The following SULT6B1 variants were observed in gnomAD, a reference collection of about 807,000 sequenced individuals.
SULT6B1 encodes the protein sulfotransferase 6B1.
Under a neutral mutation model 37.2 loss-of-function variants are expected in SULT6B1, and 44 were observed. That is an observed-to-expected ratio of 1.18 (90% CI 0.93 to 1.52). The LOEUF (loss-of-function observed/expected upper bound fraction) is 1.52, where lower values mean the gene tolerates loss of function less well. Among genes scored for constraint, SULT6B1 ranks in the 40% most tolerant of loss-of-function variants. The probability of loss-of-function intolerance (pLI) is 0.00; values close to 1 mark genes in which losing one functional copy is unlikely to be tolerated. For missense variants in SULT6B1, 450 were observed against 361.0 expected (o/e 1.25, Z -2.00); for synonymous variants, 140 against 126.0 (o/e 1.11, Z -0.74).
At chr2:37,182,279 G>T (rs11885277) in intron 3 of SULT6B1, among the ~76,000 whole-genome samples, 2 of 148,654 alleles carry the variant, frequency 1.3e-5, no homozygotes, top group Non-Finnish European at 3.0e-5. Context: ...TTTGAGACAA[G>T]GTCTCGCTCT....
At chr2:37,175,795 T>G (rs1471597901) in intron 4 of SULT6B1, among the ~76,000 whole-genome samples, 1 of 152,122 alleles carries the variant, frequency 6.6e-6, no homozygotes, top group Non-Finnish European at 1.5e-5. Context: ...AGCCATGGAG[T>G]ATGAGACATA....
intron 1 of SULT6B1, among the ~76,000 whole-genome samples, chr2:37,194,941 C>CTTCT: frequency 1.7e-5 from 1 of 57,356 alleles, no homozygotes; most frequent in Non-Finnish European, 3.1e-5. Flanking sequence ...TCCTTCCTTC[C>CTTCT]TTCCTTCCTT....
Position 37,175,317 on chromosome 2 carries a change from T to C in SULT6B1, c.530-91A>G, listed in dbSNP as rs1676402130. Reference sequence around the variant, plus strand: ...TATGCTATAAAATATAAACTATACATATGTGTATATGCTCGAGATATCTTT... The same window carrying C: ...TATGCTATAAAATATAAACTATACACATGTGTATATGCTCGAGATATCTTT... On this transcript the variant is annotated intron_variant, in intron 4 of 6. Coordinates refer to ENST00000535679, the MANE Select transcript of SULT6B1 (RefSeq NM_001367551.1). 22 of 571,546 alleles carry C rather than the reference T, an allele frequency of 3.8e-5. No homozygotes were observed. The South Asian group carries it at 5.7e-4, about 15-fold the overall frequency. The allele number at this position is 571,546 out of a possible 1,614,324, so 35.4% of individuals were successfully genotyped here.
chr2:37,172,484 T>C (rs56166155), intron 5 of SULT6B1, among the ~76,000 whole-genome samples: 20,940 of 152,104 alleles, frequency 0.14, 2,519 homozygotes, highest in African/African-American at 0.32. Flanking sequence ...ACATGCATCC[T>C]ATAAACAGAA....
chr2:37,183,355 G>A (rs1193446089), intron 3 of SULT6B1, 70 bp downstream of exon 3: 2 of 1,203,850 alleles, frequency 1.7e-6, no homozygotes, highest in Non-Finnish European at 2.4e-6. Context: ...ACAAACTCAT[G>A]ATCTACTTCC....
At chr2:37,175,854 T>G (rs1309783877) in intron 4 of SULT6B1, among the ~76,000 whole-genome samples, 1 of 152,238 alleles carries the variant, frequency 6.6e-6, no homozygotes, top group Non-Finnish European at 1.5e-5. Flanking sequence ...AAATACTTGA[T>G]GTATATTTAG....
intron 2 of SULT6B1, among the ~76,000 whole-genome samples, chr2:37,186,345 T>C (rs1260735688): frequency 1.3e-5 from 2 of 152,198 alleles, no homozygotes; most frequent in Non-Finnish European, 2.9e-5. Flanking sequence ...GTCTTCCATG[T>C]CTTTTTTCTG....
intron 4 of SULT6B1, among the ~76,000 whole-genome samples, chr2:37,179,141 G>A (rs10205585): frequency 0.29 from 44,664 of 151,836 alleles, 7,561 homozygotes; most frequent in East Asian, 0.78. Flanking sequence ...TGTATTTTTA[G>A]TAGAGATGGG....
chr2:37,176,899 C>T (rs988451828), intron 4 of SULT6B1, among the ~76,000 whole-genome samples: 1 of 152,090 alleles, frequency 6.6e-6, no homozygotes, highest in Non-Finnish European at 1.5e-5. Context: ...GGAACACATT[C>T]GGCTACTGCT....
intron 4 of SULT6B1, among the ~76,000 whole-genome samples, chr2:37,177,951 A>G (rs1217532555): frequency 6.6e-6 from 1 of 152,212 alleles, no homozygotes; most frequent in African/African-American, 2.4e-5. Flanking sequence ...GTACAGACTC[A>G]AAAGAGCCAC....
In SULT6B1 at chr2:37,179,494, A is replaced by G. The variant is rs1676502968; in HGVS notation, c.493T>C (p.Trp165Arg). The change falls in exon 4 of 7, where the codon TGG (tryptophan) becomes CGG (arginine). Residue 165 changes from tryptophan to arginine, a missense_variant. Coordinates refer to ENST00000535679, the MANE Select transcript of SULT6B1 (RefSeq NM_001367551.1). ...ATGAACTGTCTGAAGAATTCATCCC[A>G]AGAGCCATAGCTTGGAATATCGGGG... ...DVPDIPSYGS[W>R]DEFFRQFMKG... 6.2e-7 allele frequency: 1 copy of G among 1,613,972 alleles called. No individual in the cohort carries two copies. Among genetic ancestry groups the G allele is most frequent in the South Asian group, 1.1e-5 (1 of 91,074 alleles).
chr2:37,184,445 G>A (rs952529325), intron 2 of SULT6B1, among the ~76,000 whole-genome samples: 1 of 152,168 alleles, frequency 6.6e-6, no homozygotes, highest in Non-Finnish European at 1.5e-5. Flanking sequence ...AATCTGCCAG[G>A]ATTAAGGGTT....
chr2:37,193,003 C>T (rs948891473), upstream of SULT6B1, among the ~76,000 whole-genome samples: 6 of 152,264 alleles, frequency 3.9e-5, no homozygotes, highest in African/African-American at 7.2e-5. Context: ...AACTGTCATA[C>T]GTATGAGTCC....
intron 3 of SULT6B1, among the ~76,000 whole-genome samples, chr2:37,182,759 G>C (rs1231609734): frequency 2.0e-5 from 3 of 152,158 alleles, no homozygotes; most frequent in African/African-American, 4.8e-5. Flanking sequence ...GTAAAAACTA[G>C]TAATTACAAG....
intron 5 of SULT6B1, 131 bp from the exon 6 acceptor site, chr2:37,171,721 G>T: frequency 1.4e-6 from 1 of 734,462 alleles, no homozygotes. Context: ...TTTAAACTTA[G>T]AGTACTTTCA....
At position 37,187,476 on chromosome 2, in the gene SULT6B1, A is replaced by G; in HGVS notation, c.200-9T>C. 6.6e-7 allele frequency: 1 copy of G among 1,524,022 alleles called. No individual in the cohort carries two copies. Among genetic ancestry groups the G allele is most frequent in the East Asian group, 2.3e-5 (1 of 43,838 alleles). 94.4% of individuals were successfully genotyped at this position (1,524,022 alleles called of 1,614,324 possible). ...GAGAATCCAGTTTGAACCTATCAGA[A>G]AAATCAGAGAATAAAAACTCATTAC... is the stretch of plus-strand genomic sequence containing the variant. On this transcript the variant is annotated splice_polypyrimidine_tract_variant and intron_variant, in intron 1 of 6. Transcript: ENST00000535679.
At chr2:37,182,314 C>T (rs1009183467) in intron 3 of SULT6B1, among the ~76,000 whole-genome samples, 4 of 149,960 alleles carry the variant, frequency 2.7e-5, no homozygotes, top group Non-Finnish European at 4.4e-5. Context: ...AGAGCAGTGG[C>T]GAGATTTTGG....
At chr2:37,193,635 A>AGAAGAAGAG (rs1160076219), upstream of SULT6B1, among the ~76,000 whole-genome samples, 1 of 151,472 alleles carries the variant, frequency 6.6e-6, no homozygotes, top group Admixed American at 6.6e-5. Context: ...AAGAAGAAGA[A>AGAAGAAGAG]GAAGAAGAAG....
chr2:37,183,405 CA>C lies in SULT6B1; in HGVS notation c.402+19del. The C allele has an allele frequency of 1.3e-6, 2 of 1,588,590 alleles. No homozygotes were observed. Among genetic ancestry groups the C allele is most frequent in the Non-Finnish European group, 1.7e-6 (2 of 1,159,020 alleles). On this transcript the variant is annotated intron_variant, in intron 3 of 6. Coordinates refer to ENST00000535679, the MANE Select transcript of SULT6B1 (RefSeq NM_001367551.1). ...ATACATAGAAATTTCAAAGAATTAT[CA>C]GTAGGAAAGGACACTCACCTTGGCT...
Sources: gnomAD v4.1 joint callset for allele counts (sites outside exome capture counted in the v4.1 genomes callset) on GRCh38, gnomAD v4.1.1 for gene constraint, MANE v1.5 for transcripts, NCBI Gene and HGNC (gene_info 2026-07-23, HGNC 2026-07-21) for gene names.